Variants in RAI14 observed in about 807,000 individuals in gnomAD.
The protein encoded by RAI14 is retinoic acid induced 14.
A neutral mutation model predicts 115.4 loss-of-function variants in RAI14; 45 were observed. That is an observed-to-expected ratio of 0.39 (90% CI 0.31 to 0.50). The LOEUF is 0.50. Among genes scored for constraint, RAI14 ranks in the 20% least tolerant of loss-of-function variants. The pLI, the probability that RAI14 is intolerant of heterozygous loss-of-function variation, is 0.85. For missense variants in RAI14, 939 were observed against 1,131.2 expected (o/e 0.83, Z 2.44); for synonymous variants, 371 against 415.4 (o/e 0.89, Z 1.30).
chr5:34,723,056 C>T (rs1742981907), intron 2 of RAI14, among the ~76,000 whole-genome samples: 2 of 147,588 alleles, frequency 1.4e-5, no homozygotes, highest in South Asian at 4.3e-4. Flanking sequence ...GCCAAGATTG[C>T]ACCACTGCAC....
chr5:34,732,301 C>A (rs1744294397), intron 2 of RAI14, among the ~76,000 whole-genome samples: 1 of 152,090 alleles, frequency 6.6e-6, no homozygotes, highest in Non-Finnish European at 1.5e-5. Flanking sequence ...GGCCCATGGA[C>A]TCGACAGTAT....
At chr5:34,753,759 C>CA (rs1747470255) in intron 2 of RAI14, among the ~76,000 whole-genome samples, 2 of 152,040 alleles carry the variant, frequency 1.3e-5, no homozygotes, top group Non-Finnish European at 1.5e-5. Context: ...ACTAAAAATA[C>CA]AAAAATTAGC....
chr5:34,753,234 C>T (rs902612625), intron 2 of RAI14, among the ~76,000 whole-genome samples: 4 of 152,032 alleles, frequency 2.6e-5, no homozygotes, highest in Non-Finnish European at 5.9e-5. Context: ...CAAAAGCCTT[C>T]TTTGATTCTA....
intron 2 of RAI14, among the ~76,000 whole-genome samples, chr5:34,698,997 G>A (rs1404708834): frequency 6.6e-6 from 1 of 152,136 alleles, no homozygotes; most frequent in Admixed American, 6.5e-5. Flanking sequence ...GCCACACCCT[G>A]TCCTGCCGTG....
chr5:34,803,732 G>T lies in RAI14; in HGVS notation c.277G>T (p.Ala93Ser), dbSNP rs774736280. 5 of 1,611,310 alleles carry T rather than the reference G, an allele frequency of 3.1e-6. No individual in the cohort carries two copies. The highest frequency in any genetic ancestry group is 4.2e-6 in the Non-Finnish European group (5 of 1,178,840). The change falls in exon 5 of 18, where the codon GCA becomes TCA. Residue 93 changes from alanine (A) to serine (S), a missense_variant. Transcript: ENST00000265109. Reference protein sequence around the residue: ...DTTGHSALHLAAKNSHHECIR... With the variant: ...DTTGHSALHLSAKNSHHECIR... ...TTTAGGACACAGCGCCTTACATCTC[G>T]CAGCCAAGAACAGCCACCATGAATG...
At chr5:34,684,696 T>G (rs986405994) in intron 1 of RAI14, 9 of 151,448 alleles carry the variant, frequency 5.9e-5, no homozygotes, top group Non-Finnish European at 1.0e-4. Context: ...AGCTAGAGAG[T>G]CACTGGGTGA....
At chr5:34,805,075 C>G (rs531441306) in intron 5 of RAI14, among the ~76,000 whole-genome samples, 10 of 152,176 alleles carry the variant, frequency 6.6e-5, no homozygotes, top group African/African-American at 1.2e-4. Context: ...ATCTTTGAAG[C>G]CTTTAAACAG....
intron 2 of RAI14, among the ~76,000 whole-genome samples, chr5:34,745,950 A>G (rs533937862): frequency 1.6e-3 from 241 of 152,172 alleles, no homozygotes; most frequent in South Asian, 3.1e-3. Flanking sequence ...ATCTCTGCTC[A>G]TGCTCCTCTT....
rs756762531 is a variant in RAI14, at chr5:34,808,575, T to A, written c.380-9T>A. On this transcript the variant is annotated splice_polypyrimidine_tract_variant and intron_variant, in intron 6 of 17. Coordinates refer to ENST00000265109, the MANE Select transcript of RAI14 (RefSeq NM_015577.3). ...ATTGGCTGTGGTATTTATATTTTCC[T>A]TCCCCCAGCGGCTCAGGGCTGCCTT... The A allele has an allele frequency of 5.0e-6, 8 of 1,613,598 alleles. No individual in the cohort carries two copies. The highest frequency in any genetic ancestry group is 1.3e-5 in the African/African-American group (1 of 74,930).
At chr5:34,815,245 A>T (rs1349225929) in intron 12 of RAI14, among the ~76,000 whole-genome samples, 1 of 152,050 alleles carries the variant, frequency 6.6e-6, no homozygotes, top group African/African-American at 2.4e-5. Flanking sequence ...GCTGGGCATG[A>T]TGGTGCGCAC....
intron 16 of RAI14, among the ~76,000 whole-genome samples, chr5:34,829,189 A>ACG (rs397748077): frequency 1.3e-5 from 2 of 150,462 alleles, no homozygotes; most frequent in Admixed American, 1.3e-4. Flanking sequence ...ACACACACAC[A>ACG]TATATATATA....
At chr5:34,740,584 A>C (rs1159054876) in intron 2 of RAI14, among the ~76,000 whole-genome samples, 1 of 152,196 alleles carries the variant, frequency 6.6e-6, no homozygotes, top group Non-Finnish European at 1.5e-5. Context: ...AGAAATGTTC[A>C]GTTGCAGAGT....
At chr5:34,826,666 C>T (rs1398445246) in intron 16 of RAI14, among the ~76,000 whole-genome samples, 187 bp downstream of exon 16, 1 of 152,174 alleles carries the variant, frequency 6.6e-6, no homozygotes, top group African/African-American at 2.4e-5. Flanking sequence ...AATTCCTGGT[C>T]GTTATCAGCA....
At chr5:34,733,524 T>C (rs1744458407) in intron 2 of RAI14, among the ~76,000 whole-genome samples, 1 of 152,214 alleles carries the variant, frequency 6.6e-6, no homozygotes, top group African/African-American at 2.4e-5. Flanking sequence ...TCAACCTCCA[T>C]AAGCTTTCAG....
intron 1 of RAI14, among the ~76,000 whole-genome samples, chr5:34,682,487 A>C (rs1744462671): frequency 6.6e-6 from 1 of 151,904 alleles, no homozygotes; most frequent in African/African-American, 2.4e-5. Context: ...TTGGGAGTTA[A>C]ATTATTTTTT....
intron 1 of RAI14, among the ~76,000 whole-genome samples, chr5:34,674,730 G>A (rs1186904961): frequency 6.6e-6 from 1 of 151,754 alleles, no homozygotes; most frequent in Non-Finnish European, 1.5e-5. Flanking sequence ...TAGGATTACA[G>A]GCATCCGCTA....
At chr5:34,799,058 AAAG>A (rs1167331473) in intron 4 of RAI14, among the ~76,000 whole-genome samples, 10 of 152,234 alleles carry the variant, frequency 6.6e-5, no homozygotes, top group Non-Finnish European at 1.3e-4. Flanking sequence ...CACGGGAACA[AAAG>A]AAGAACACTG....
At chr5:34,704,466 T>C (rs1356120998) in intron 2 of RAI14, among the ~76,000 whole-genome samples, 1 of 152,228 alleles carries the variant, frequency 6.6e-6, no homozygotes, top group African/African-American at 2.4e-5. Context: ...TTTGGTTGAT[T>C]AGTTAACCTC....
chr5:34,748,534 A>G (rs1442359446), intron 2 of RAI14, among the ~76,000 whole-genome samples: 4 of 152,332 alleles, frequency 2.6e-5, no homozygotes, highest in South Asian at 4.1e-4. Context: ...CAATCCAGTC[A>G]GGAAACTCCC....
Sources: gnomAD v4.1 joint callset for allele counts (sites outside exome capture counted in the v4.1 genomes callset) on GRCh38, gnomAD v4.1.1 for gene constraint, MANE v1.5 for transcripts, NCBI Gene and HGNC (gene_info 2026-07-23, HGNC 2026-07-21) for gene names.